Variants in BTAF1 observed in about 807,000 individuals in gnomAD.
BTAF1 encodes TATA-binding protein-associated factor 172.
A neutral mutation model predicts 227.1 loss-of-function variants in BTAF1; 38 were observed. The observed-to-expected ratio is 0.17, with a 90% CI of 0.13 to 0.22. BTAF1 has a LOEUF of 0.22. Among genes scored for constraint, BTAF1 ranks in the 10% least tolerant of loss-of-function variants. The pLI, the probability that BTAF1 is intolerant of heterozygous loss-of-function variation, is 1.00. For synonymous variants in BTAF1, 742 were observed against 751.9 expected, an observed-to-expected ratio of 0.99 and a Z score of 0.21; for missense variants, 1,598 against 2,204.0, an observed-to-expected ratio of 0.73 and a Z score of 5.51.
intron 24 of BTAF1, chr10:91,997,115 A>T: frequency 3.9e-6 from 5 of 1,285,552 alleles, no homozygotes; most frequent in Non-Finnish European, 5.1e-6. Flanking sequence ...ATGAAGATCA[A>T]ATCAGTAGAA....
chr10:92,016,657 G>A (rs972757551), intron 33 of BTAF1, among the ~76,000 whole-genome samples, 192 bp downstream of exon 33: 1 of 152,048 alleles, frequency 6.6e-6, no homozygotes, highest in Non-Finnish European at 1.5e-5. Context: ...TGTATTTCTA[G>A]TAGAGATGGA....
At chr10:91,927,621 TA>T (rs112815997) in intron 1 of BTAF1, among the ~76,000 whole-genome samples, 4 of 150,138 alleles carry the variant, frequency 2.7e-5, no homozygotes, top group African/African-American at 4.9e-5. Context: ...TCAGTACATT[TA>T]AAAAAAAAAT....
At chr10:92,026,370 G>A (rs983271278) in intron 35 of BTAF1, among the ~76,000 whole-genome samples, 34 of 152,228 alleles carry the variant, frequency 2.2e-4, no homozygotes, top group African/African-American at 7.9e-4. Context: ...AATGCAGTTT[G>A]CCTTATTTTG....
At chr10:91,989,715 A>T in intron 20 of BTAF1, 135 bp downstream of exon 20, 1 of 865,102 alleles carries the variant, frequency 1.2e-6, no homozygotes, top group African/African-American at 1.7e-5. Flanking sequence ...AGGCTTGATT[A>T]TAACAAAACT....
intron 15 of BTAF1, among the ~76,000 whole-genome samples, chr10:91,981,245 C>T (rs1275535488): frequency 2.6e-5 from 4 of 152,090 alleles, no homozygotes; most frequent in Admixed American, 6.6e-5. Context: ...TAGGTTATTA[C>T]CACCTTTGAG....
chr10:91,961,626 T>C (rs910171999), intron 11 of BTAF1, among the ~76,000 whole-genome samples: 2 of 152,092 alleles, frequency 1.3e-5, no homozygotes, highest in African/African-American at 4.8e-5. Context: ...AACAAAACCT[T>C]TTTTTCTGTG....
intron 28 of BTAF1, 114 bp from the exon 29 acceptor site, chr10:92,010,959 A>C: frequency 1.3e-6 from 1 of 773,958 alleles, no homozygotes; most frequent in Non-Finnish European, 2.2e-6. Context: ...ATGTAGAGTA[A>C]GCAGAAGGGA....
At position 92,027,304 on chromosome 10, in the gene BTAF1, A is replaced by T; in HGVS notation, c.5406+4A>T. ...TGATCTGTTTACTCTTGATAAGGTA[A>T]AGAACTTACACAATTTGTTGTATCT... On this transcript the variant is annotated splice_donor_region_variant and intron_variant, in intron 37 of 37. Coordinates refer to ENST00000265990, the MANE Select transcript of BTAF1 (RefSeq NM_003972.3). 6.3e-7 allele frequency: 1 copy of T among 1,595,052 alleles called. No homozygotes were observed. Among genetic ancestry groups the T allele is most frequent in the Non-Finnish European group, 8.5e-7 (1 of 1,174,136 alleles).
chr10:91,929,349 C>G (rs997517830), intron 1 of BTAF1, among the ~76,000 whole-genome samples: 3 of 152,154 alleles, frequency 2.0e-5, no homozygotes, highest in African/African-American at 7.2e-5. Context: ...TCTAAAATGT[C>G]TAGACAGTAC....
intron 34 of BTAF1, 111 bp downstream of exon 34, chr10:92,019,046 T>G (rs1850937304): frequency 8.5e-7 from 1 of 1,171,974 alleles, no homozygotes; most frequent in Non-Finnish European, 1.1e-6. Flanking sequence ...ATTTTTAAAT[T>G]TGGTTAAATT....
chr10:91,929,302 T>G (rs1844103861), intron 1 of BTAF1, among the ~76,000 whole-genome samples: 1 of 152,218 alleles, frequency 6.6e-6, no homozygotes, highest in Admixed American at 6.5e-5. Context: ...CAGAAATATA[T>G]AGTTTTCCCT....
intron 3 of BTAF1, among the ~76,000 whole-genome samples, chr10:91,942,111 T>C (rs761384650): frequency 1.3e-5 from 2 of 152,130 alleles, no homozygotes; most frequent in Non-Finnish European, 2.9e-5. Context: ...GACCCTTGTC[T>C]CTACAAAAAT....
At chr10:91,982,845 TGAAAATTTTCGA>T in intron 18 of BTAF1, 84 bp downstream of exon 18, 1 of 1,360,846 alleles carries the variant, frequency 7.3e-7, no homozygotes, top group Non-Finnish European at 9.8e-7. Context: ...AACAGAAAAG[TGAAAATTTTCGA>T]TGTATAAAAA....
At chr10:91,987,647 T>G (rs1168789229) in intron 19 of BTAF1, among the ~76,000 whole-genome samples, 1 of 152,220 alleles carries the variant, frequency 6.6e-6, no homozygotes, top group Non-Finnish European at 1.5e-5. Context: ...AATGCTCTTT[T>G]TGTGCCACCC....
chr10:91,992,329 T>C lies in BTAF1; in HGVS notation c.3045+20T>C. ...GATGAGGTAAGTAGTTTTTTTTTTTTTTTAATGCTTTGATTTTTAAACAAA... is the reference window on the plus strand; with the variant it reads ...GATGAGGTAAGTAGTTTTTTTTTTTCTTTAATGCTTTGATTTTTAAACAAA... On this transcript the variant is annotated intron_variant, in intron 21 of 37. Coordinates refer to ENST00000265990, the MANE Select transcript of BTAF1 (RefSeq NM_003972.3). 6.5e-7 allele frequency: 1 copy of C among 1,544,888 alleles called. No homozygotes were observed.
intron 14 of BTAF1, among the ~76,000 whole-genome samples, chr10:91,967,397 A>G (rs1235369006): frequency 2.6e-5 from 4 of 152,210 alleles, no homozygotes; most frequent in African/African-American, 9.6e-5. Context: ...CAAAGTACCT[A>G]GATTTAGGGG....
At chr10:91,935,806 C>T in intron 2 of BTAF1, 26 bp downstream of exon 2, 1 of 1,567,674 alleles carries the variant, frequency 6.4e-7, no homozygotes, top group Non-Finnish European at 8.7e-7. Context: ...TTTCTTTTAG[C>T]ATAATACAAT....
intron 4 of BTAF1, among the ~76,000 whole-genome samples, chr10:91,947,880 A>T (rs543444101): frequency 1.8e-4 from 28 of 151,352 alleles, no homozygotes; most frequent in Non-Finnish European, 8.8e-5. Context: ...AATTTTTTTC[A>T]TTTTATACTT....
At chr10:91,997,821 T>C (rs1435484631) in intron 25 of BTAF1, 70 bp downstream of exon 25, 1 of 1,507,738 alleles carries the variant, frequency 6.6e-7, no homozygotes, top group Non-Finnish European at 9.1e-7. Flanking sequence ...TTGTAACCCT[T>C]TTTAGGGCCA....
Sources: gnomAD v4.1 joint callset for allele counts (sites outside exome capture counted in the v4.1 genomes callset) on GRCh38, gnomAD v4.1.1 for gene constraint, MANE v1.5 for transcripts, NCBI Gene and HGNC (gene_info 2026-07-23, HGNC 2026-07-21) for gene names.